The following NUFIP2 variants were observed in gnomAD, a reference collection of about 807,000 sequenced individuals.
NUFIP2 encodes FMR1-interacting protein NUFIP2.
In NUFIP2, 6 loss-of-function variants were observed where a neutral mutation model predicts 56.9. The observed-to-expected ratio is 0.11, with a 90% CI of 0.06 to 0.21. The LOEUF is 0.21. NUFIP2 is among the 10% of genes least tolerant of loss of function. NUFIP2 has a pLI of 1.00. For synonymous variants in NUFIP2, 321 were observed against 298.2 expected (o/e 1.08, Z -0.79); for missense variants, 828 against 826.8 (o/e 1.00, Z -0.02).
intron 2 of NUFIP2, among the ~76,000 whole-genome samples, chr17:29,271,262 T>G (rs2069070473): frequency 6.6e-6 from 1 of 151,908 alleles, no homozygotes; most frequent in Non-Finnish European, 1.5e-5. Context: ...ATATTCCTGG[T>G]GCGGAGGGGC....
rs2068987531 is a variant in NUFIP2, at chr17:29,259,161, T to C, written c.*5378A>G. On this transcript the variant is annotated 3_prime_UTR_variant, in exon 4 of 4. Transcript: ENST00000225388. ...TAGCACCTGAGGAAAAAAGGGTACA[T>C]GGAAAGCTATGTAATTTGCCCTCAA... 6.6e-6 allele frequency: 1 copy of C among 152,210 alleles called. No homozygotes were observed. The highest frequency in any genetic ancestry group is 6.5e-5 in the Admixed American group (1 of 15,284). The allele number at this position is 152,210 out of a possible 1,614,324, so 9.4% of individuals were successfully genotyped here. A position where few individuals can be genotyped will look rare whatever the true frequency, so the allele number is the denominator to read the frequency against.
intron 3 of NUFIP2, among the ~76,000 whole-genome samples, chr17:29,265,302 T>C (rs2069028298): frequency 9.5e-6 from 1 of 105,150 alleles, no homozygotes; most frequent in Non-Finnish European, 1.9e-5. Flanking sequence ...TTTATTTTAT[T>C]TTATTTTTTT....
At chr17:29,291,035 CA>C (rs60000691) in intron 1 of NUFIP2, among the ~76,000 whole-genome samples, 8,517 of 72,446 alleles carry the variant, frequency 0.12, 339 homozygotes, top group African/African-American at 0.21. Context: ...GTTTTAATAA[CA>C]AAAAAAAAAA....
At chr17:29,270,140 T>C (rs893092728) in intron 2 of NUFIP2, among the ~76,000 whole-genome samples, 2 of 152,010 alleles carry the variant, frequency 1.3e-5, no homozygotes, top group South Asian at 2.1e-4. Flanking sequence ...CCAGATAAAA[T>C]CCCATTCAAG....
At chr17:29,291,601 T>C (rs1288312515) in intron 1 of NUFIP2, among the ~76,000 whole-genome samples, 1 of 152,220 alleles carries the variant, frequency 6.6e-6, no homozygotes, top group Non-Finnish European at 1.5e-5. Context: ...CCACCTTGAA[T>C]GGTTCAGCGG....
At chr17:29,270,652 C>T (rs1323064464) in intron 2 of NUFIP2, among the ~76,000 whole-genome samples, 3 of 151,870 alleles carry the variant, frequency 2.0e-5, no homozygotes, top group Non-Finnish European at 2.9e-5. Context: ...ATTTTGTCTA[C>T]TGCAAAGATA....
intron 2 of NUFIP2, among the ~76,000 whole-genome samples, chr17:29,270,068 GA>G (rs2069062642): frequency 6.6e-6 from 1 of 152,148 alleles, no homozygotes; most frequent in Admixed American, 6.5e-5. Context: ...TCAGCTTTTT[GA>G]AAATTTGTCA....
chr17:29,278,023 G>A lies in NUFIP2; in HGVS notation c.2002+7969C>T, dbSNP rs567117688. On this transcript the variant is annotated intron_variant, in intron 2 of 3. Coordinates refer to ENST00000225388, the MANE Select transcript of NUFIP2 (RefSeq NM_020772.3). ...GTGAAACTCAATCAAAAAGGGAAAG[G>A]GAAAGAAAAGAAAAAGAAATACAGC... 3.2e-3 allele frequency among the ~76,000 whole-genome samples: 493 copies of A among 151,924 alleles called. 1 individual carries two copies. The highest frequency in any genetic ancestry group is 0.014 in the Middle Eastern group (4 of 294).
chr17:29,286,971 T>C lies in NUFIP2; in HGVS notation c.1023A>G (p.Pro341=). ...EDSWTLFKPP[P]VFPVDNSSAK... Reference sequence around the variant, plus strand: ...CACTGCTATTGTCCACTGGAAAAACTGGGGGTGGTTTAAATAGGGTCCACG... The same window carrying C: ...CACTGCTATTGTCCACTGGAAAAACCGGGGGTGGTTTAAATAGGGTCCACG... The change falls in exon 2 of 4, where the codon CCA becomes CCG. Residue 341 remains proline (P), a synonymous_variant. Coordinates refer to ENST00000225388, the MANE Select transcript of NUFIP2 (RefSeq NM_020772.3). 6.2e-7 allele frequency: 1 copy of C among 1,614,140 alleles called. No individual in the cohort carries two copies. Among genetic ancestry groups the C allele is most frequent in the Non-Finnish European group, 8.5e-7 (1 of 1,180,016 alleles).
chr17:29,260,640 C>G lies in NUFIP2; in HGVS notation c.*3899G>C, dbSNP rs1025024033. ...AGATGCCTCTGATGTGGGGAAGCAA[C>G]AAGCCTAACAACCAAGTATGATATT... On this transcript the variant is annotated 3_prime_UTR_variant, in exon 4 of 4. Coordinates refer to ENST00000225388, the MANE Select transcript of NUFIP2 (RefSeq NM_020772.3). 8 of 152,142 alleles carry G rather than the reference C, an allele frequency of 5.3e-5. No homozygotes were observed. The highest frequency in any genetic ancestry group is 1.2e-4 in the Non-Finnish European group (8 of 68,008). The allele number at this position is 152,142 out of a possible 1,614,324, so 9.4% of individuals were successfully genotyped here.
intron 2 of NUFIP2, among the ~76,000 whole-genome samples, chr17:29,285,717 C>G (rs1262949132): frequency 6.6e-6 from 1 of 151,900 alleles, no homozygotes; most frequent in Non-Finnish European, 1.5e-5. Flanking sequence ...TACCTTTAAG[C>G]AAGTTCTCCT....
intron 1 of NUFIP2, among the ~76,000 whole-genome samples, chr17:29,290,060 A>G (rs1004842968): frequency 3.9e-5 from 6 of 151,984 alleles, no homozygotes; most frequent in Non-Finnish European, 8.8e-5. Context: ...GATTACAGGC[A>G]TGCACCACGA....
At chr17:29,277,773 G>A (rs2069116218) in intron 2 of NUFIP2, among the ~76,000 whole-genome samples, 1 of 152,134 alleles carries the variant, frequency 6.6e-6, no homozygotes, top group African/African-American at 2.4e-5. Context: ...AGCACTTTGG[G>A]AGGCCGAGGT....
intron 2 of NUFIP2, among the ~76,000 whole-genome samples, chr17:29,271,025 A>C (rs2069068944): frequency 6.6e-6 from 1 of 152,152 alleles, no homozygotes; most frequent in South Asian, 2.1e-4. Flanking sequence ...AGGCAAAACA[A>C]CTATTTGCAA....
chr17:29,270,179 AGTTTAAAG>A (rs1317818886), intron 2 of NUFIP2, among the ~76,000 whole-genome samples: 2 of 152,170 alleles, frequency 1.3e-5, no homozygotes, highest in African/African-American at 4.8e-5. Flanking sequence ...CAAATCTGGG[AGTTTAAAG>A]GTGCCAATTG....
chr17:29,268,404 T>C (rs1163853506), intron 2 of NUFIP2, among the ~76,000 whole-genome samples: 6 of 152,236 alleles, frequency 3.9e-5, no homozygotes, highest in Non-Finnish European at 7.3e-5. Context: ...CCCAAATTTT[T>C]TGAACAAAGC....
Position 29,292,615 on chromosome 17 carries a change from G to A in NUFIP2, c.277+1168C>T, listed in dbSNP as rs1190082874. Among the ~76,000 whole-genome samples, 17 of 132,960 alleles carry A rather than the reference G, an allele frequency of 1.3e-4. No homozygotes were observed. The East Asian group carries it at 3.2e-3, about 25-fold the overall frequency. 87.2% of individuals were successfully genotyped at this position (132,960 alleles called of 152,430 possible). A position where few individuals can be genotyped will look rare whatever the true frequency, so the allele number is the denominator to read the frequency against. On this transcript the variant is annotated intron_variant, in intron 1 of 3. Coordinates refer to ENST00000225388, the MANE Select transcript of NUFIP2 (RefSeq NM_020772.3). ...AATGAATCCCCCCGCCGCCCCCCCAGGCCTCCTGCCTCTAGGAGCGCCGCG... is the reference window on the plus strand; with the variant it reads ...AATGAATCCCCCCGCCGCCCCCCCAAGCCTCCTGCCTCTAGGAGCGCCGCG...
chr17:29,274,517 C>T (rs1188618804), intron 2 of NUFIP2, among the ~76,000 whole-genome samples: 4 of 152,174 alleles, frequency 2.6e-5, no homozygotes, highest in South Asian at 2.1e-4. Flanking sequence ...CAGCCACATC[C>T]ACTGTATATG....
chr17:29,293,778 C>G lies in NUFIP2; in HGVS notation c.277+5G>C, dbSNP rs1349796091. 1.3e-6 allele frequency: 2 copies of G among 1,567,766 alleles called. No homozygotes were observed. Among genetic ancestry groups the G allele is most frequent in the East Asian group, 4.5e-5 (2 of 44,344 alleles). On this transcript the variant is annotated splice_donor_5th_base_variant and intron_variant, in intron 1 of 3. Transcript: ENST00000225388. ...CCCTTCCCCCACCCGTCCTCCCTCC[C>G]AGACCTGTTTTCTTCTTCGGCGTTT...
Sources: gnomAD v4.1 joint callset for allele counts (sites outside exome capture counted in the v4.1 genomes callset) on GRCh38, gnomAD v4.1.1 for gene constraint, MANE v1.5 for transcripts, NCBI Gene and HGNC (gene_info 2026-07-23, HGNC 2026-07-21) for gene names.